Variants in FBXO10 observed in about 807,000 individuals in gnomAD.
The protein encoded by FBXO10 is F-box protein 10.
FBXO10 carries 39 observed loss-of-function variants against 80.7 expected under a neutral mutation model. That is an observed-to-expected ratio of 0.48 (90% CI 0.37 to 0.63). The LOEUF is 0.63. FBXO10 is among the 30% of genes least tolerant of loss of function. The pLI is 0.00. For missense variants in FBXO10, 1,025 were observed against 1,269.0 expected, an observed-to-expected ratio of 0.81 and a Z score of 2.92; for synonymous variants, 449 against 489.6, an observed-to-expected ratio of 0.92 and a Z score of 1.09.
chr9:37,549,198 AC>A (rs890085607), intron 1 of FBXO10, among the ~76,000 whole-genome samples: 2 of 151,132 alleles, frequency 1.3e-5, no homozygotes, highest in Admixed American at 6.6e-5. Flanking sequence ...ATCCCAACCT[AC>A]CCTCACCCTC....
intron 5 of FBXO10, among the ~76,000 whole-genome samples, chr9:37,526,826 TTTATTTA>T (rs1564337155): frequency 1.0e-3 from 7 of 6,728 alleles, no homozygotes; most frequent in Admixed American, 7.9e-3. Context: ...AAATATTTTA[TTTATTTA>T]TTTATTTATT....
In FBXO10 at chr9:37,572,061, A is replaced by T. The variant is rs137866813; in HGVS notation, c.-7+4150T>A. Among the ~76,000 whole-genome samples the T allele has an allele frequency of 7.9e-3, 1,197 of 152,168 alleles. 9 individuals carry two copies. The highest frequency in any genetic ancestry group is 0.02 in the Middle Eastern group (6 of 294). ...CTTGAGCCTAGGAGGTTGAGGCTAC[A>T]GTAAGCCATGATCACGCCACTGCAA... On this transcript the variant is annotated intron_variant, in intron 1 of 10. Coordinates refer to ENST00000432825, the MANE Select transcript of FBXO10 (RefSeq NM_012166.3).
chr9:37,529,068 G>A lies in FBXO10; in HGVS notation c.1706+56C>T, dbSNP rs1405713168. The stretch of plus-strand genomic sequence containing the variant: ...TTTCCGTAAAGAGTGTTTTCAAATG[G>A]AGGAGAGACAGGGAGGAGGTTAACA... On this transcript the variant is annotated intron_variant, in intron 5 of 10. Coordinates refer to ENST00000432825, the MANE Select transcript of FBXO10 (RefSeq NM_012166.3). The A allele has an allele frequency of 7.5e-6, 12 of 1,607,500 alleles. No homozygotes were observed. The East Asian group carries it at 1.6e-4, about 21-fold the overall frequency.
chr9:37,523,638 T>C (rs1388608090), intron 6 of FBXO10, among the ~76,000 whole-genome samples: 1 of 152,076 alleles, frequency 6.6e-6, no homozygotes, highest in Admixed American at 6.5e-5. Flanking sequence ...AAACAAAGAA[T>C]AGGCCGGGTG....
At chr9:37,567,175 C>T (rs1334012011) in intron 1 of FBXO10, among the ~76,000 whole-genome samples, 1 of 145,160 alleles carries the variant, frequency 6.9e-6, no homozygotes, top group African/African-American at 2.6e-5. Context: ...CAAGGTCTTG[C>T]TTTGTCACCC....
intron 4 of FBXO10, among the ~76,000 whole-genome samples, chr9:37,529,970 G>A (rs957092231): frequency 2.0e-5 from 3 of 151,584 alleles, no homozygotes; most frequent in Admixed American, 6.6e-5. Flanking sequence ...CACCACACCC[G>A]GCAAGATATT....
intron 1 of FBXO10, among the ~76,000 whole-genome samples, chr9:37,552,143 C>T (rs1394988358): frequency 6.6e-6 from 1 of 152,236 alleles, no homozygotes; most frequent in Non-Finnish European, 1.5e-5. Flanking sequence ...AACAAGGCTT[C>T]TCCTATATCC....
At chr9:37,516,646 G>A (rs1359346744) in intron 9 of FBXO10, among the ~76,000 whole-genome samples, 2 of 152,148 alleles carry the variant, frequency 1.3e-5, no homozygotes, top group Non-Finnish European at 2.9e-5. Flanking sequence ...CAACCTAACT[G>A]CCCATCAGCC....
intron 1 of FBXO10, among the ~76,000 whole-genome samples, chr9:37,552,691 CAAAAAAAA>C (rs779389401): frequency 1.0e-5 from 1 of 95,310 alleles, no homozygotes; most frequent in African/African-American, 3.9e-5. Context: ...GACTCCATAT[CAAAAAAAA>C]AAAAAAAAAA....
chr9:37,548,284 C>A (rs1822107821), intron 1 of FBXO10, among the ~76,000 whole-genome samples: 1 of 151,932 alleles, frequency 6.6e-6, no homozygotes, highest in African/African-American at 2.4e-5. Context: ...ACTCAGGAGG[C>A]TGAGGCAGGA....
chr9:37,562,665 A>C (rs951169299), intron 1 of FBXO10, among the ~76,000 whole-genome samples: 1 of 152,188 alleles, frequency 6.6e-6, no homozygotes, highest in East Asian at 1.9e-4. Flanking sequence ...AATCACCCTC[A>C]TCATTATCTG....
In FBXO10 at chr9:37,515,897, C is replaced by T. The variant is rs564034297; in HGVS notation, c.2696+7G>A. ...GAGGACTCGTTCAGGCAACCCCAAG[C>T]ACTCACTTTTTCTTGAAGACCAGGA... On this transcript the variant is annotated splice_region_variant and intron_variant, in intron 10 of 10. Transcript: ENST00000432825. 1.6e-5 allele frequency: 26 copies of T among 1,612,626 alleles called. No individual in the cohort carries two copies. The East Asian group carries it at 4.9e-4, about 30-fold the overall frequency.
At chr9:37,564,366 C>A (rs528019554) in intron 1 of FBXO10, among the ~76,000 whole-genome samples, 1 of 152,228 alleles carries the variant, frequency 6.6e-6, no homozygotes, top group African/African-American at 2.4e-5. Flanking sequence ...TCGGGGCCCC[C>A]ACACAGAGTC....
At chr9:37,556,044 T>C (rs947289022) in intron 1 of FBXO10, among the ~76,000 whole-genome samples, 1 of 152,220 alleles carries the variant, frequency 6.6e-6, no homozygotes, top group Non-Finnish European at 1.5e-5. Flanking sequence ...TCTTTTTCTA[T>C]GTGGATATCA....
At chr9:37,529,307 G>A in intron 4 of FBXO10, 47 bp from the exon 5 acceptor site, 1 of 1,569,880 alleles carries the variant, frequency 6.4e-7, no homozygotes, top group Non-Finnish European at 8.6e-7. Flanking sequence ...AGACACGTCA[G>A]CGAAGCAGAG....
intron 1 of FBXO10, among the ~76,000 whole-genome samples, chr9:37,563,705 G>C (rs1822534931): frequency 6.6e-6 from 1 of 152,198 alleles, no homozygotes; most frequent in Admixed American, 6.5e-5. Flanking sequence ...CTTTGAACTT[G>C]AGAGAAATGA....
chr9:37,538,007 C>T (rs960340291), intron 2 of FBXO10, 64 bp from the exon 3 acceptor site: 3 of 1,291,128 alleles, frequency 2.3e-6, no homozygotes, highest in Non-Finnish European at 3.3e-6. Context: ...CTCTAGCTGC[C>T]CTTTAAGGAG....
chr9:37,544,285 T>G (rs1167740191), intron 1 of FBXO10, among the ~76,000 whole-genome samples: 2 of 151,748 alleles, frequency 1.3e-5, no homozygotes, highest in African/African-American at 4.8e-5. Flanking sequence ...AAACAAAAAT[T>G]AGCCAGGTGT....
intron 3 of FBXO10, among the ~76,000 whole-genome samples, chr9:37,532,857 G>A (rs572869369): frequency 3.9e-5 from 6 of 152,278 alleles, no homozygotes; most frequent in African/African-American, 1.4e-4. Flanking sequence ...AAAGTTCCAG[G>A]TCCACCACTT....
Sources: gnomAD v4.1 joint callset for allele counts (sites outside exome capture counted in the v4.1 genomes callset) on GRCh38, gnomAD v4.1.1 for gene constraint, MANE v1.5 for transcripts, NCBI Gene and HGNC (gene_info 2026-07-23, HGNC 2026-07-21) for gene names.